ANO3: variants seen among roughly 807,000 people sequenced by gnomAD.
The protein encoded by ANO3 is anoctamin 3, also known as anoctamin-3.
A neutral mutation model predicts 144.8 loss-of-function variants in ANO3; 99 were observed. The ratio of observed to expected loss-of-function variants is 0.68; its 90% CI spans 0.58 to 0.81. The LOEUF (loss-of-function observed/expected upper bound fraction) is 0.81. Among genes scored for constraint, ANO3 ranks in the 30% least tolerant of loss-of-function variants. The probability of loss-of-function intolerance (pLI) is 0.00; values close to 1 mark genes in which losing one functional copy is unlikely to be tolerated. For synonymous variants in ANO3, 414 were observed against 392.6 expected (o/e 1.05, Z -0.64); for missense variants, 905 against 1,202.2 (o/e 0.75, Z 3.66).
chr11:26,264,551 A>T (rs1397295817), intron 1 of ANO3, among the ~76,000 whole-genome samples: 3 of 152,152 alleles, frequency 2.0e-5, no homozygotes, highest in Non-Finnish European at 4.4e-5. Context: ...TAGAGGAGGG[A>T]TACCTCATAT....
At chr11:26,511,799 T>A (rs2134143841) in intron 5 of ANO3, among the ~76,000 whole-genome samples, 1 of 152,106 alleles carries the variant, frequency 6.6e-6, no homozygotes, top group Non-Finnish European at 1.5e-5. Context: ...TATATTAGAG[T>A]CATGTGGTGA....
At chr11:26,348,579 A>G (rs1855556232) in intron 1 of ANO3, among the ~76,000 whole-genome samples, 1 of 152,254 alleles carries the variant, frequency 6.6e-6, no homozygotes, top group Non-Finnish European at 1.5e-5. Context: ...TGATTATAAC[A>G]GACATTAAAT....
At chr11:26,614,370 C>A (rs1179757181) in intron 17 of ANO3, among the ~76,000 whole-genome samples, 1 of 152,132 alleles carries the variant, frequency 6.6e-6, no homozygotes, top group East Asian at 1.9e-4. Flanking sequence ...GGGTCTCAGT[C>A]CTTCGATCTG....
intron 1 of ANO3, among the ~76,000 whole-genome samples, chr11:26,194,919 C>T (rs370876741): frequency 6.6e-6 from 1 of 152,076 alleles, no homozygotes; most frequent in Non-Finnish European, 1.5e-5. Context: ...GCATACAATG[C>T]ATAATAATCA....
intron 1 of ANO3, among the ~76,000 whole-genome samples, chr11:26,349,747 A>G (rs1855589556): frequency 6.6e-6 from 1 of 151,824 alleles, no homozygotes. Context: ...ACGGGGTTTC[A>G]CTGTGTTAGC....
chr11:26,390,839 G>C (rs1225463175), intron 1 of ANO3, among the ~76,000 whole-genome samples: 4 of 152,026 alleles, frequency 2.6e-5, no homozygotes, highest in Non-Finnish European at 5.9e-5. Flanking sequence ...TAAATTCTTT[G>C]CAAGTGACTA....
intron 4 of ANO3, among the ~76,000 whole-genome samples, chr11:26,474,587 A>T (rs1859893700): frequency 6.6e-6 from 1 of 151,906 alleles, no homozygotes; most frequent in Admixed American, 6.6e-5. Context: ...AAATAAATAA[A>T]TCACATCAGG....
intron 1 of ANO3, among the ~76,000 whole-genome samples, chr11:26,261,242 T>C (rs1043911448): frequency 4.6e-5 from 7 of 150,924 alleles, no homozygotes; most frequent in Admixed American, 4.6e-4. Flanking sequence ...AAAAATTACA[T>C]GACTTTATTT....
chr11:26,359,752 A>G (rs569972041), intron 1 of ANO3, among the ~76,000 whole-genome samples: 2 of 152,248 alleles, frequency 1.3e-5, no homozygotes, highest in African/African-American at 4.8e-5. Flanking sequence ...TTTGTTACCC[A>G]TCTCTCACAG....
At chr11:26,544,749 A>T (rs1355408494) in intron 11 of ANO3, among the ~76,000 whole-genome samples, 3 of 151,998 alleles carry the variant, frequency 2.0e-5, no homozygotes, top group Non-Finnish European at 2.9e-5. Flanking sequence ...ATAAGTTCTC[A>T]TCTATAGAAG....
At chr11:26,620,210 T>C (rs1011571641) in intron 17 of ANO3, among the ~76,000 whole-genome samples, 3 of 152,188 alleles carry the variant, frequency 2.0e-5, no homozygotes, top group Non-Finnish European at 4.4e-5. Flanking sequence ...TTAATGAAAA[T>C]TAAATATGCA....
At chr11:26,413,623 T>C (rs1203448094) in intron 1 of ANO3, among the ~76,000 whole-genome samples, 1 of 152,074 alleles carries the variant, frequency 6.6e-6, no homozygotes, top group Non-Finnish European at 1.5e-5. Context: ...GGAGGAAGGT[T>C]GCACACCCAA....
intron 1 of ANO3, among the ~76,000 whole-genome samples, chr11:26,303,266 A>T (rs1854279148): frequency 6.6e-6 from 1 of 152,188 alleles, no homozygotes; most frequent in African/African-American, 2.4e-5. Context: ...AGCGCTATTG[A>T]CAATGGAAAT....
rs547743858 is a variant in ANO3 at position 26,648,321 on chromosome 11, A to G, written c.2576+465A>G. On this transcript the variant is annotated intron_variant, in intron 24 of 26. Coordinates refer to ENST00000256737, the MANE Select transcript of ANO3 (RefSeq NM_031418.4). ...TGGAGATTTTCAAAAGGAATTTACA[A>G]CTAGGGGTTTTAAGGACGCAAAAAA... 3.0e-3 allele frequency among the ~76,000 whole-genome samples: 455 copies of G among 152,282 alleles called. 6 individuals carry two copies. Among genetic ancestry groups the G allele is most frequent in the African/African-American group, 0.01 (426 of 41,562 alleles).
chr11:26,263,171 A>C (rs1853232247), intron 1 of ANO3, among the ~76,000 whole-genome samples: 1 of 152,168 alleles, frequency 6.6e-6, no homozygotes, highest in Non-Finnish European at 1.5e-5. Context: ...TCCAGACTCT[A>C]AATTATAGTC....
intron 3 of ANO3, among the ~76,000 whole-genome samples, chr11:26,448,209 G>A (rs1036755540): frequency 6.0e-5 from 9 of 150,888 alleles, no homozygotes; most frequent in Non-Finnish European, 1.0e-4. Flanking sequence ...TGAGGCAGGA[G>A]AATCGCTTGA....
chr11:26,534,871 C>T (rs1324747773), intron 9 of ANO3, among the ~76,000 whole-genome samples: 2 of 152,128 alleles, frequency 1.3e-5, no homozygotes, highest in South Asian at 2.1e-4. Context: ...CAGAAATTTG[C>T]TCATCATGGG....
At chr11:26,562,666 A>T (rs927158594) in intron 14 of ANO3, among the ~76,000 whole-genome samples, 4 of 151,834 alleles carry the variant, frequency 2.6e-5, no homozygotes, top group African/African-American at 9.7e-5. Context: ...CCTCATTAAG[A>T]TGGTTAATGG....
At chr11:26,392,512 T>C (rs1856909202) in intron 1 of ANO3, among the ~76,000 whole-genome samples, 1 of 152,064 alleles carries the variant, frequency 6.6e-6, no homozygotes, top group Non-Finnish European at 1.5e-5. Context: ...TGAGATATTA[T>C]GTTTTCAAAG....
Sources: gnomAD v4.1 joint callset for allele counts (sites outside exome capture counted in the v4.1 genomes callset) on GRCh38, gnomAD v4.1.1 for gene constraint, MANE v1.5 for transcripts, NCBI Gene and HGNC (gene_info 2026-07-23, HGNC 2026-07-21) for gene names.